Variants in CSMD3 observed in about 807,000 individuals in gnomAD.
CSMD3 encodes CUB and Sushi multiple domains 3, also known as CUB and sushi domain-containing protein 3.
In CSMD3, 177 loss-of-function variants were observed where a neutral mutation model predicts 435.2. That is an observed-to-expected ratio of 0.41 (90% CI 0.36 to 0.46). The LOEUF is 0.46. Among genes scored for constraint, CSMD3 ranks in the 20% least tolerant of loss-of-function variants. The probability of loss-of-function intolerance (pLI) is 0.34; values close to 1 mark genes in which losing one functional copy is unlikely to be tolerated. For missense variants in CSMD3, 4,265 were observed against 4,504.6 expected, an observed-to-expected ratio of 0.95 and a Z score of 1.52; for synonymous variants, 1,656 against 1,520.5, an observed-to-expected ratio of 1.09 and a Z score of -2.07.
At chr8:112,375,766 G>T (rs1828884466) in intron 38 of CSMD3, among the ~76,000 whole-genome samples, 1 of 152,168 alleles carries the variant, frequency 6.6e-6, no homozygotes, top group Admixed American at 6.5e-5. Flanking sequence ...CAATTTACTT[G>T]TGGTTTATTA....
intron 1 of CSMD3, among the ~76,000 whole-genome samples, chr8:113,354,088 T>C (rs2094206514): frequency 6.6e-6 from 1 of 152,170 alleles, no homozygotes. Flanking sequence ...CCTCTTTAAA[T>C]TAATGAATGA....
rs889574126 is a variant in CSMD3, at chr8:112,431,589, C to T, written c.5396-22557G>A. ...CTTTAGAGAGGTCGAGCTTGAACAG[C>T]GAAATGATGGATGAATTCTGTATAG... On this transcript the variant is annotated intron_variant, in intron 32 of 70. Coordinates refer to ENST00000297405, the MANE Select transcript of CSMD3 (RefSeq NM_198123.2). Among the ~76,000 whole-genome samples the T allele has an allele frequency of 7.2e-5, 11 of 151,958 alleles. 1 individual carries two copies. The highest frequency in any genetic ancestry group is 6.6e-4 in the Admixed American group (10 of 15,242).
intron 1 of CSMD3, among the ~76,000 whole-genome samples, chr8:113,396,946 G>C (rs2094486253): frequency 6.6e-6 from 1 of 152,008 alleles, no homozygotes; most frequent in Non-Finnish European, 1.5e-5. Context: ...CCAGCACATA[G>C]AACAGTACCT....
At chr8:112,597,688 C>A (rs1831872442) in intron 22 of CSMD3, among the ~76,000 whole-genome samples, 1 of 134,588 alleles carries the variant, frequency 7.4e-6, no homozygotes, top group South Asian at 2.5e-4. Context: ...TGGGCTTCAT[C>A]CCTGGGATGC....
chr8:112,817,233 A>G (rs1246264439), intron 12 of CSMD3, among the ~76,000 whole-genome samples: 1 of 152,108 alleles, frequency 6.6e-6, no homozygotes, highest in Admixed American at 6.6e-5. Context: ...GGAGTATCAC[A>G]TATCTGGTAG....
intron 13 of CSMD3, among the ~76,000 whole-genome samples, chr8:112,773,864 A>C (rs2132211223): frequency 6.6e-6 from 1 of 152,160 alleles, no homozygotes; most frequent in African/African-American, 2.4e-5. Context: ...AGAATGTAAC[A>C]AAAAAATAGT....
chr8:112,628,524 TC>T (rs1298760336), intron 22 of CSMD3, among the ~76,000 whole-genome samples: 1 of 152,096 alleles, frequency 6.6e-6, no homozygotes, highest in Non-Finnish European at 1.5e-5. Context: ...GCAATTATAG[TC>T]CTTTATTGGA....
chr8:112,885,834 A>G (rs1051691675), intron 10 of CSMD3, among the ~76,000 whole-genome samples: 5 of 151,820 alleles, frequency 3.3e-5, no homozygotes, highest in African/African-American at 1.2e-4. Flanking sequence ...ACATCTAACA[A>G]TGAAGAGTTC....
rs1447219803 is a variant in CSMD3 at position 113,373,532 on chromosome 8, GTATA to G, written c.179-58743_179-58740del. Among the ~76,000 whole-genome samples the G allele has an allele frequency of 4.6e-5, 7 of 151,740 alleles. No homozygotes were observed. In the East Asian group the frequency reaches 1.4e-3, roughly 29 times the overall value. ...AACACTTTCAGCTTACATTATATGTGTATATATATTTATATAAATACACATATAT... is the reference window on the plus strand; with the variant it reads ...AACACTTTCAGCTTACATTATATGTGTATATTTATATAAATACACATATAT... On this transcript the variant is annotated intron_variant, in intron 1 of 70. Coordinates refer to ENST00000297405, the MANE Select transcript of CSMD3 (RefSeq NM_198123.2).
chr8:112,588,464 G>T (rs902750050), intron 22 of CSMD3, among the ~76,000 whole-genome samples: 1 of 144,324 alleles, frequency 6.9e-6, no homozygotes, highest in African/African-American at 2.6e-5. Flanking sequence ...TCCTTTTAAA[G>T]AAAAAAAAAA....
chr8:112,226,163 C>T (rs4461926), intron 70 of CSMD3, among the ~76,000 whole-genome samples: 332 of 152,018 alleles, frequency 2.2e-3, no homozygotes, highest in African/African-American at 7.4e-3. Context: ...GTGATTTCTA[C>T]GATAATAATT....
At chr8:112,725,769 A>C (rs2076951283) in intron 13 of CSMD3, among the ~76,000 whole-genome samples, 1 of 151,956 alleles carries the variant, frequency 6.6e-6, no homozygotes, top group South Asian at 2.1e-4. Flanking sequence ...GAAGTTATGA[A>C]GTTTGAATTA....
rs1353330607 is a variant in CSMD3, at chr8:112,837,561, T to C, written c.1756-7772A>G. Among the ~76,000 whole-genome samples, 3 of 151,810 alleles carry C rather than the reference T, an allele frequency of 2.0e-5. No homozygotes were observed. The Admixed American group carries it at 2.0e-4, about 10-fold the overall frequency. On this transcript the variant is annotated intron_variant, in intron 11 of 70. Coordinates refer to ENST00000297405, the MANE Select transcript of CSMD3 (RefSeq NM_198123.2). ...TATGTATTACAATAAGCAAGGATTA[T>C]AAAATAACACATAGGATGCTTGATA...
intron 7 of CSMD3, among the ~76,000 whole-genome samples, chr8:112,972,103 G>T (rs75790419): frequency 6.6e-6 from 1 of 151,772 alleles, no homozygotes; most frequent in African/African-American, 2.4e-5. Context: ...ACAAAATACT[G>T]TGTGTAATCC....
chr8:112,797,101 T>C (rs1339169789), intron 13 of CSMD3, among the ~76,000 whole-genome samples: 1 of 151,982 alleles, frequency 6.6e-6, no homozygotes, highest in Non-Finnish European at 1.5e-5. Context: ...TTCCACAGAT[T>C]TAAAGCAGAA....
chr8:112,491,684 TTAAAG>T (rs1820713743), intron 31 of CSMD3, among the ~76,000 whole-genome samples: 1 of 152,186 alleles, frequency 6.6e-6, no homozygotes, highest in African/African-American at 2.4e-5. Context: ...TCTATGTTCC[TTAAAG>T]TATACTTTTT....
chr8:113,315,574 A>AATAT lies in CSMD3; in HGVS notation c.179-785_179-782dup, dbSNP rs534298957. Among the ~76,000 whole-genome samples, 744 of 148,638 alleles carry AATAT rather than the reference A, an allele frequency of 5.0e-3. 9 individuals are homozygous for AATAT. The highest frequency in any genetic ancestry group is 0.018 in the African/African-American group (718 of 40,746). On this transcript the variant is annotated intron_variant, in intron 1 of 70. Transcript: ENST00000297405. ...ATTTCTTCAGCAATTTGTCTCTTCA[A>AATAT]ATATATATATATATCAGGTATATAT...
intron 4 of CSMD3, among the ~76,000 whole-genome samples, chr8:113,123,793 A>T (rs752660799): frequency 6.6e-6 from 1 of 151,868 alleles, no homozygotes; most frequent in East Asian, 1.9e-4. Flanking sequence ...ATCTTAGTGG[A>T]TGTAGATCCC....
chr8:112,889,052 A>G (rs909195454), intron 10 of CSMD3, among the ~76,000 whole-genome samples: 1 of 151,710 alleles, frequency 6.6e-6, no homozygotes, highest in African/African-American at 2.4e-5. Flanking sequence ...TTGTTTTAAA[A>G]CTGAAAGCAA....
Sources: allele counts gnomAD v4.1 joint callset (sites outside exome capture counted in the v4.1 genomes callset), GRCh38; gene constraint gnomAD v4.1.1; transcripts MANE v1.5; gene names NCBI Gene and HGNC (gene_info 2026-07-23, HGNC 2026-07-21).